Variants in RPH3AL observed in about 807,000 individuals in gnomAD.
The protein encoded by RPH3AL is rabphilin 3A like (without C2 domains).
In RPH3AL, 38 loss-of-function variants were observed where a neutral mutation model predicts 43.1. That is an observed-to-expected ratio of 0.88 (90% confidence interval 0.68 to 1.15). The LOEUF (loss-of-function observed/expected upper bound fraction) is 1.15, where lower values mean the gene tolerates loss of function less well. Among genes scored for constraint, RPH3AL ranks in the 50% most tolerant of loss-of-function variants. RPH3AL has a pLI of 0.00. For missense variants in RPH3AL, 462 were observed against 423.2 expected, an observed-to-expected ratio of 1.09 and a Z score of -0.81; for synonymous variants, 189 against 176.3, an observed-to-expected ratio of 1.07 and a Z score of -0.57.
intron 3 of RPH3AL, 139 bp from the exon 4 acceptor site, chr17:321,554 GCAGAGATGGCCCAGGTGGCAA>G (rs752442783): frequency 0.053 from 44,589 of 843,652 alleles, 1,869 homozygotes; most frequent in African/African-American, 0.17. Context: ...AGCGCGGGCA[GCAGAGATGGCCCAGGTGGCAA>G]CAGAGATGGC....
intron 5 of RPH3AL, among the ~76,000 whole-genome samples, chr17:284,438 C>T (rs1274143045): frequency 6.6e-6 from 1 of 152,130 alleles, no homozygotes; most frequent in African/African-American, 2.4e-5. Flanking sequence ...TCCCTGGGGA[C>T]GTGGCTGATG....
At chr17:325,976 C>T (rs1020004101) in intron 3 of RPH3AL, among the ~76,000 whole-genome samples, 4 of 152,212 alleles carry the variant, frequency 2.6e-5, no homozygotes, top group African/African-American at 7.2e-5. Context: ...AAAGGGGCTA[C>T]GACAGCATTT....
At chr17:342,712 C>T (rs987072958) in intron 1 of RPH3AL, among the ~76,000 whole-genome samples, 1 of 152,044 alleles carries the variant, frequency 6.6e-6, no homozygotes, top group South Asian at 2.1e-4. Flanking sequence ...GGAAGGGGGA[C>T]AGCAAAAGGG....
At chr17:296,028 T>A (rs879118968) in intron 5 of RPH3AL, among the ~76,000 whole-genome samples, 564 of 73,312 alleles carry the variant, frequency 7.7e-3, no homozygotes, top group Middle Eastern at 0.019. Flanking sequence ...GGGAATGCAC[T>A]TCAGTGTGGG....
intron 1 of RPH3AL, among the ~76,000 whole-genome samples, chr17:352,352 ATC>A (rs1392404224): frequency 6.6e-6 from 1 of 151,972 alleles, no homozygotes; most frequent in Non-Finnish European, 1.5e-5. Flanking sequence ...CCCCAAATCC[ATC>A]TCTGTCCACT....
At chr17:350,603 C>T (rs1178584257) in intron 1 of RPH3AL, among the ~76,000 whole-genome samples, 1 of 152,084 alleles carries the variant, frequency 6.6e-6, no homozygotes, top group Non-Finnish European at 1.5e-5. Flanking sequence ...AGCAAGACCC[C>T]ATCTCAAAAA....
At chr17:295,231 T>A (rs2043145695) in intron 5 of RPH3AL, among the ~76,000 whole-genome samples, 2 of 102,884 alleles carry the variant, frequency 1.9e-5, no homozygotes, top group Non-Finnish European at 3.9e-5. Flanking sequence ...GGGACACAGA[T>A]GCTGCAGAAA....
chr17:243,895 C>G (rs2041665526), intron 7 of RPH3AL, among the ~76,000 whole-genome samples: 1 of 148,730 alleles, frequency 6.7e-6, no homozygotes, highest in South Asian at 2.2e-4. Context: ...ATTACACTTC[C>G]TCTATTACCT....
intron 5 of RPH3AL, among the ~76,000 whole-genome samples, chr17:299,995 GC>G (rs2043282554): frequency 1.1e-5 from 1 of 95,090 alleles, no homozygotes; most frequent in Non-Finnish European, 2.5e-5. Flanking sequence ...TCTAGCAGGG[GC>G]TGGCCCAGCC....
rs1464267802 is a variant in RPH3AL at position 245,004 on chromosome 17, ATGAG to A, written c.613+2103_613+2106del. 6.6e-6 allele frequency among the ~76,000 whole-genome samples: 1 copy of A among 151,912 alleles called. No individual in the cohort carries two copies. Among genetic ancestry groups the A allele is most frequent in the Non-Finnish European group, 1.5e-5 (1 of 67,976 alleles). On this transcript the variant is annotated intron_variant, in intron 7 of 9. Transcript: ENST00000331302. This position sits in a 1 kb window ranked among gnomAD's most constrained non-coding sequence, Gnocchi z 5.9. ...TGAGCAAGTGTGTATGCATGTGGAT[ATGAG>A]TGTGTGTATGTGGATGTGTGTGTGG...
At chr17:301,749 G>T (rs1186029382) in intron 5 of RPH3AL, among the ~76,000 whole-genome samples, 1 of 152,150 alleles carries the variant, frequency 6.6e-6, no homozygotes, top group Admixed American at 6.5e-5. Context: ...TGTAGGCAAA[G>T]TCCTGAGCCG....
At chr17:253,491 G>A (rs568572141) in intron 6 of RPH3AL, among the ~76,000 whole-genome samples, 3 of 152,232 alleles carry the variant, frequency 2.0e-5, no homozygotes, top group East Asian at 1.9e-4. Flanking sequence ...CCGGGTATGC[G>A]CAATCCTTTT....
chr17:271,841 T>C (rs2042471122), intron 6 of RPH3AL, among the ~76,000 whole-genome samples: 1 of 152,202 alleles, frequency 6.6e-6, no homozygotes, highest in African/African-American at 2.4e-5. Context: ...ATCCCTGTCT[T>C]GTGCCAGTTT....
chr17:344,339 T>C (rs116401247), intron 1 of RPH3AL, among the ~76,000 whole-genome samples: 2,387 of 128,378 alleles, frequency 0.019, 330 homozygotes, highest in African/African-American at 0.058. Flanking sequence ...ATCACCGTCA[T>C]CATTATTACC....
rs1351116374 is a variant in RPH3AL, at chr17:289,274, A to C, written c.352-7420T>G. On this transcript the variant is annotated intron_variant, in intron 5 of 9. Transcript: ENST00000331302. The surrounding 1 kb of genome is among the most constrained non-coding windows in gnomAD (Gnocchi z 5.2). The stretch of plus-strand genomic sequence containing the variant: ...GTAGGCGGCAACCTCAGACCTTTAT[A>C]GCCATGCCTGTCTCAGTGAAGGCAG... Among the ~76,000 whole-genome samples the C allele has an allele frequency of 1.3e-5, 2 of 152,142 alleles. No homozygotes were observed. Among genetic ancestry groups the C allele is most frequent in the Non-Finnish European group, 2.9e-5 (2 of 68,020 alleles).
intron 6 of RPH3AL, among the ~76,000 whole-genome samples, chr17:268,736 A>C (rs1461890311): frequency 6.6e-6 from 1 of 151,038 alleles, no homozygotes; most frequent in Non-Finnish European, 1.5e-5. Context: ...CTAATTTTTA[A>C]AAACTTTTTG....
chr17:218,639 T>C (rs1004170992), intron 8 of RPH3AL, among the ~76,000 whole-genome samples: 1 of 152,230 alleles, frequency 6.6e-6, no homozygotes, highest in Admixed American at 6.5e-5. Context: ...CTTTGTGTGT[T>C]TGAAGGACAG....
In RPH3AL at chr17:219,770, C is replaced by T. The variant is rs1361523194; in HGVS notation, c.614-34G>A. 4 of 1,508,810 alleles carry T rather than the reference C, an allele frequency of 2.7e-6. 1 individual carries two copies. Among genetic ancestry groups the T allele is most frequent in the Middle Eastern group, 1.7e-4 (1 of 5,896 alleles). 93.5% of individuals were successfully genotyped at this position (1,508,810 alleles called of 1,614,324 possible). A position where few individuals can be genotyped will look rare whatever the true frequency, so the allele number is the denominator to read the frequency against. Reference sequence around the variant, plus strand: ...GACAGACCACAGCACAGGAGGTCACCCGACCAGCCCCTACCTGCAGGCATG... The same window carrying T: ...GACAGACCACAGCACAGGAGGTCACTCGACCAGCCCCTACCTGCAGGCATG... On this transcript the variant is annotated intron_variant, in intron 7 of 9. Transcript: ENST00000331302.
intron 1 of RPH3AL, among the ~76,000 whole-genome samples, chr17:334,222 A>ACCAGCGCTGCAG (rs2044878209): frequency 6.6e-6 from 1 of 152,264 alleles, no homozygotes; most frequent in African/African-American, 2.4e-5. Flanking sequence ...TCACTCCAGG[A>ACCAGCGCTGCAG]GAACCGCGGC....
Sources: gnomAD v4.1 joint callset for allele counts (sites outside exome capture counted in the v4.1 genomes callset) on GRCh38, gnomAD v4.1.1 for gene constraint, Gnocchi (gnomAD v3.1) non-coding constraint, MANE v1.5 for transcripts, NCBI Gene and HGNC (gene_info 2026-07-23, HGNC 2026-07-21) for gene names.